The following OPCML variants were observed in gnomAD, a reference collection of about 807,000 sequenced individuals.
The protein encoded by OPCML is opioid-binding protein/cell adhesion molecule.
OPCML carries 13 observed loss-of-function variants against 37.8 expected under a neutral mutation model. The ratio of observed to expected loss-of-function variants is 0.34; its 90% CI spans 0.22 to 0.55. The LOEUF (loss-of-function observed/expected upper bound fraction) is 0.55, where lower values mean the gene tolerates loss of function less well. OPCML is among the 20% of genes least tolerant of loss of function. The pLI is 0.91. For missense variants in OPCML, 341 were observed against 435.6 expected (o/e 0.78, Z 1.93); for synonymous variants, 176 against 168.8 (o/e 1.04, Z -0.33).
At chr11:132,992,851 G>T (rs1473713126) in intron 1 of OPCML, among the ~76,000 whole-genome samples, 2 of 152,154 alleles carry the variant, frequency 1.3e-5, no homozygotes, top group African/African-American at 4.8e-5. Context: ...AAACTTCCTT[G>T]TTACCAGCAG....
rs557478962 is a variant in OPCML, at chr11:133,368,947, T to G, written c.61+163317A>C. 2.0e-5 allele frequency among the ~76,000 whole-genome samples: 3 copies of G among 152,310 alleles called. No homozygotes were observed. In the South Asian group the frequency reaches 6.2e-4, roughly 32 times the overall value. On this transcript the variant is annotated intron_variant, in intron 1 of 7. Coordinates refer to ENST00000524381, the MANE Select transcript of OPCML (RefSeq NM_001012393.5). ...TGTCTGATAAACATAGCTATACAAT[T>G]AAATGAATTTAAAACCGTTATAAGA...
intron 1 of OPCML, among the ~76,000 whole-genome samples, chr11:133,106,514 C>CT (rs1949160085): frequency 6.6e-6 from 1 of 152,232 alleles, no homozygotes; most frequent in Non-Finnish European, 1.5e-5. Flanking sequence ...AAATAACAAA[C>CT]TCCCCTAGCA....
At chr11:133,042,952 C>G (rs1311132322) in intron 1 of OPCML, among the ~76,000 whole-genome samples, 1 of 152,096 alleles carries the variant, frequency 6.6e-6, no homozygotes, top group Non-Finnish European at 1.5e-5. Flanking sequence ...AGAAAAGGGT[C>G]TCTCACGTAC....
At chr11:132,914,135 G>A (rs945789866) in intron 2 of OPCML, among the ~76,000 whole-genome samples, 1 of 152,190 alleles carries the variant, frequency 6.6e-6, no homozygotes, top group Non-Finnish European at 1.5e-5. Context: ...CTGGCAATGT[G>A]CTGACACACA....
At chr11:133,442,623 A>G (rs754457908) in intron 1 of OPCML, among the ~76,000 whole-genome samples, 1 of 152,156 alleles carries the variant, frequency 6.6e-6, no homozygotes, top group Non-Finnish European at 1.5e-5. Flanking sequence ...AAAAGGAAGT[A>G]GGTCCATTCT....
chr11:133,207,042 C>T (rs1241721438), intron 1 of OPCML, among the ~76,000 whole-genome samples: 1 of 150,500 alleles, frequency 6.6e-6, no homozygotes, highest in Admixed American at 6.6e-5. Flanking sequence ...AATCCCAGCA[C>T]TTTGGGAGGC....
At chr11:133,126,747 T>C (rs1949522956) in intron 1 of OPCML, among the ~76,000 whole-genome samples, 1 of 152,168 alleles carries the variant, frequency 6.6e-6, no homozygotes. Context: ...TTGAGTAACT[T>C]GCCCAAGGCT....
At chr11:133,289,121 C>T (rs1942387018) in intron 1 of OPCML, among the ~76,000 whole-genome samples, 1 of 152,080 alleles carries the variant, frequency 6.6e-6, no homozygotes. Flanking sequence ...TGATGTGTTG[C>T]TTGTTTTTGT....
intron 2 of OPCML, among the ~76,000 whole-genome samples, chr11:132,876,668 T>C (rs560713698): frequency 6.6e-6 from 1 of 152,290 alleles, no homozygotes; most frequent in South Asian, 2.1e-4. Flanking sequence ...GTCCCAATGG[T>C]AGGGTATTTG....
chr11:132,504,786 T>C (rs1427010511), intron 4 of OPCML, among the ~76,000 whole-genome samples: 3 of 152,036 alleles, frequency 2.0e-5, no homozygotes, highest in African/African-American at 7.2e-5. Flanking sequence ...AGCTATTGTG[T>C]GGCTGTATGC....
At chr11:133,419,207 C>G in intron 1 of OPCML, 1 of 982,878 alleles carries the variant, frequency 1.0e-6, no homozygotes, top group Non-Finnish European at 1.2e-6. Context: ...TGCAACGGGC[C>G]AGGAGACCCT....
chr11:133,278,091 T>C (rs1170198361), intron 1 of OPCML, among the ~76,000 whole-genome samples: 1 of 152,186 alleles, frequency 6.6e-6, no homozygotes, highest in East Asian at 1.9e-4. Flanking sequence ...GGTCTGGATA[T>C]CCGTTGTCCC....
chr11:132,679,971 C>G (rs983731687), intron 2 of OPCML, among the ~76,000 whole-genome samples: 1 of 152,092 alleles, frequency 6.6e-6, no homozygotes, highest in Non-Finnish European at 1.5e-5. Flanking sequence ...TTAGTAGATG[C>G]AAGAGTAGAG....
intron 1 of OPCML, among the ~76,000 whole-genome samples, chr11:133,009,822 TC>T (rs1183210496): frequency 6.6e-6 from 1 of 152,184 alleles, no homozygotes; most frequent in Non-Finnish European, 1.5e-5. Context: ...CCACTCACCT[TC>T]TGCTGTGTGG....
Position 133,140,787 on chromosome 11 carries a change from C to CGAT in OPCML, c.62-197778_62-197777insATC, listed in dbSNP as rs1565467916. Among the ~76,000 whole-genome samples the CGAT allele has an allele frequency of 2.3e-3, 279 of 118,932 alleles. 38 individuals are homozygous for CGAT. The highest frequency in any genetic ancestry group is 0.01 in the African/African-American group (269 of 26,238). The allele number at this position is 118,932 out of a possible 152,430, so 78.0% of individuals were successfully genotyped here. ...ACGAAGAAGAAGAAGAAGAAGACGA[C>CGAT]GAAGAAGAAGAAGAAGAAGACGACG... is the stretch of plus-strand genomic sequence containing the variant. On this transcript the variant is annotated intron_variant, in intron 1 of 7. Transcript: ENST00000524381.
chr11:132,501,709 C>T lies in OPCML; in HGVS notation c.505+27352G>A, dbSNP rs1357265485. Among the ~76,000 whole-genome samples the T allele has an allele frequency of 2.6e-5, 4 of 152,188 alleles. No individual in the cohort carries two copies. The East Asian group carries it at 7.7e-4, about 29-fold the overall frequency. On this transcript the variant is annotated intron_variant, in intron 4 of 7. Coordinates refer to ENST00000524381, the MANE Select transcript of OPCML (RefSeq NM_001012393.5). The stretch of plus-strand genomic sequence containing the variant: ...TACCATTATCAAGGGCTGATTTTCT[C>T]CATCAACATAGAATTTTTTAAATAG...
chr11:132,989,627 G>A (rs1223549945), intron 1 of OPCML, among the ~76,000 whole-genome samples: 1 of 150,992 alleles, frequency 6.6e-6, no homozygotes, highest in Non-Finnish European at 1.5e-5. Flanking sequence ...GTGTGTGTGT[G>A]TGTGTGTGTG....
intron 1 of OPCML, among the ~76,000 whole-genome samples, chr11:133,151,414 G>A (rs1002111960): frequency 3.3e-5 from 5 of 151,798 alleles, no homozygotes; most frequent in African/African-American, 1.2e-4. Context: ...TGGAGATGCA[G>A]GAAGATGGGG....
chr11:132,571,308 C>T (rs1390773827), intron 3 of OPCML, among the ~76,000 whole-genome samples: 3 of 152,180 alleles, frequency 2.0e-5, no homozygotes, highest in East Asian at 3.9e-4. Context: ...TTCTTTCTTC[C>T]CCACCTGTCA....
Sources: allele counts gnomAD v4.1 joint callset (sites outside exome capture counted in the v4.1 genomes callset), GRCh38; gene constraint gnomAD v4.1.1; transcripts MANE v1.5; gene names NCBI Gene and HGNC (gene_info 2026-07-23, HGNC 2026-07-21).